The following HMGCLL1 variants were observed in gnomAD, a reference collection of about 807,000 sequenced individuals.
HMGCLL1 encodes 3-hydroxymethyl-3-methylglutaryl-CoA lyase, cytoplasmic.
A neutral mutation model predicts 39.1 loss-of-function variants in HMGCLL1; 36 were observed. That is an observed-to-expected ratio of 0.92 (90% CI 0.71 to 1.22). The LOEUF (loss-of-function observed/expected upper bound fraction) is 1.22, where lower values mean the gene tolerates loss of function less well. HMGCLL1 is among the 50% of genes most tolerant of loss of function. The pLI is 0.00. For synonymous variants in HMGCLL1, 149 were observed against 144.0 expected, an observed-to-expected ratio of 1.03 and a Z score of -0.25; for missense variants, 451 against 416.5, an observed-to-expected ratio of 1.08 and a Z score of -0.72.
At chr6:55,620,582 C>A in the HMGCLL1 span, among the ~76,000 whole-genome samples, 1 of 151,192 alleles carries the variant, frequency 6.6e-6, no homozygotes, top group South Asian at 2.1e-4. Context: ...TTAAAATATC[C>A]CATTTGTCCA....
At chr6:55,465,798 G>A (rs114431525) in intron 7 of HMGCLL1, among the ~76,000 whole-genome samples, 3,433 of 152,048 alleles carry the variant, frequency 0.023, 123 homozygotes, top group African/African-American at 0.079. Context: ...AACCTTACTT[G>A]GTAATGTAAT....
At chr6:55,654,898 G>C in the HMGCLL1 span, among the ~76,000 whole-genome samples, 1 of 151,676 alleles carries the variant, frequency 6.6e-6, no homozygotes, top group Non-Finnish European at 1.5e-5. Flanking sequence ...CTTAAATGAG[G>C]TTCTGTGGTC....
At chr6:55,474,278 G>A (rs538752720) in intron 7 of HMGCLL1, among the ~76,000 whole-genome samples, 29 of 151,408 alleles carry the variant, frequency 1.9e-4, no homozygotes, top group African/African-American at 6.3e-4. Flanking sequence ...TTTTAAAATC[G>A]TGTAATAGTT....
chr6:55,437,927 C>A (rs188814333), intron 8 of HMGCLL1, among the ~76,000 whole-genome samples: 4 of 152,110 alleles, frequency 2.6e-5, no homozygotes. Flanking sequence ...GACATGGAAT[C>A]CATAGTGAGA....
chr6:55,606,469 GC>G, the HMGCLL1 span, among the ~76,000 whole-genome samples: 2 of 152,060 alleles, frequency 1.3e-5, no homozygotes, highest in Non-Finnish European at 2.9e-5. Flanking sequence ...TTGGTTCCTA[GC>G]CCAGTGTTCT....
the HMGCLL1 span, among the ~76,000 whole-genome samples, chr6:55,664,210 A>T: frequency 6.6e-6 from 1 of 151,752 alleles, no homozygotes; most frequent in South Asian, 2.1e-4. Context: ...TGGTTTTGTC[A>T]TTGTTTTATT....
chr6:55,538,101 T>A (rs1362587075), intron 3 of HMGCLL1, among the ~76,000 whole-genome samples: 1 of 152,086 alleles, frequency 6.6e-6, no homozygotes, highest in Non-Finnish European at 1.5e-5. Context: ...TGTCACTGAG[T>A]ATGTCCTAAA....
the HMGCLL1 span, among the ~76,000 whole-genome samples, chr6:55,618,336 A>T: frequency 4.1e-5 from 6 of 145,824 alleles, no homozygotes; most frequent in African/African-American, 1.3e-4. Flanking sequence ...CAAAAAAAGT[A>T]AAAAAAAAAA....
At chr6:55,451,338 T>C (rs1241594007) in intron 7 of HMGCLL1, among the ~76,000 whole-genome samples, 2 of 152,090 alleles carry the variant, frequency 1.3e-5, no homozygotes, top group Admixed American at 6.6e-5. Flanking sequence ...AAAAGTTACA[T>C]AGGGCTGGGC....
At chr6:55,530,320 T>G (rs1768590143) in intron 3 of HMGCLL1, among the ~76,000 whole-genome samples, 1 of 152,034 alleles carries the variant, frequency 6.6e-6, no homozygotes, top group Admixed American at 6.6e-5. Context: ...ACCTATAAGT[T>G]TTTGCAATGA....
the HMGCLL1 span, among the ~76,000 whole-genome samples, chr6:55,646,280 T>G: frequency 6.6e-6 from 1 of 151,752 alleles, no homozygotes; most frequent in East Asian, 1.9e-4. Context: ...TGGGTCTTCT[T>G]TTTTCTTTCT....
intron 1 of HMGCLL1, among the ~76,000 whole-genome samples, chr6:55,575,258 T>C (rs1272941093): frequency 2.0e-5 from 3 of 152,056 alleles, no homozygotes; most frequent in Non-Finnish European, 4.4e-5. Flanking sequence ...TGCAAAACCA[T>C]TGTCATTAGC....
the HMGCLL1 span, among the ~76,000 whole-genome samples, chr6:55,648,577 A>T: frequency 1.4e-5 from 1 of 73,462 alleles, no homozygotes; most frequent in Non-Finnish European, 2.6e-5. Flanking sequence ...ATCAGAGAAT[A>T]CTACAAACAC....
the HMGCLL1 span, among the ~76,000 whole-genome samples, chr6:55,608,989 A>C: frequency 5.3e-5 from 8 of 152,208 alleles, no homozygotes; most frequent in Admixed American, 5.2e-4. Flanking sequence ...CCCCCAGCCA[A>C]GGGAGCTGGT....
chr6:55,509,778 G>A (rs917769514), intron 5 of HMGCLL1, among the ~76,000 whole-genome samples: 2 of 151,798 alleles, frequency 1.3e-5, no homozygotes, highest in Admixed American at 1.3e-4. Flanking sequence ...TGTATGTAAT[G>A]CAATCCCTTT....
chr6:55,627,898 TAG>T, the HMGCLL1 span, among the ~76,000 whole-genome samples: 53 of 32,362 alleles, frequency 1.6e-3, 1 homozygote, highest in East Asian at 4.2e-3. Context: ...TATATATATA[TAG>T]TATATATACT....
intron 7 of HMGCLL1, among the ~76,000 whole-genome samples, chr6:55,477,185 AT>A (rs1765358802): frequency 2.9e-5 from 1 of 33,930 alleles, no homozygotes; most frequent in African/African-American, 1.7e-4. Context: ...TATTATATTT[AT>A]ATATTATATA....
chr6:55,471,652 T>C (rs889643020), intron 7 of HMGCLL1, among the ~76,000 whole-genome samples: 2 of 151,708 alleles, frequency 1.3e-5, no homozygotes, highest in African/African-American at 2.4e-5. Flanking sequence ...GTAATACTGA[T>C]GTAATTCTTA....
chr6:55,596,701 T>C, the HMGCLL1 span, among the ~76,000 whole-genome samples: 1 of 152,230 alleles, frequency 6.6e-6, no homozygotes, highest in Non-Finnish European at 1.5e-5. Flanking sequence ...TATTTCTTCA[T>C]GCATTAAGTA....
Sources: gnomAD v4.1 joint callset for allele counts (sites outside exome capture counted in the v4.1 genomes callset) on GRCh38, gnomAD v4.1.1 for gene constraint, MANE v1.5 for transcripts, NCBI Gene and HGNC (gene_info 2026-07-23, HGNC 2026-07-21) for gene names.